The following CLDN10 variants were observed in gnomAD, a reference collection of about 807,000 sequenced individuals.
CLDN10 encodes claudin 10.
CLDN10 carries 15 observed loss-of-function variants against 22.9 expected under a neutral mutation model. The ratio of observed to expected loss-of-function variants is 0.65; its 90% confidence interval spans 0.44 to 1.01. The LOEUF is 1.01. Ranked by LOEUF, CLDN10 falls within the 50% of genes least tolerant of loss-of-function variation. The pLI is 0.00. For synonymous variants in CLDN10, 114 were observed against 111.4 expected (o/e 1.02, Z -0.15); for missense variants, 247 against 287.8 (o/e 0.86, Z 1.03).
chr13:95,513,258 T>A (rs1232422644), intron 1 of CLDN10, among the ~76,000 whole-genome samples: 1 of 152,188 alleles, frequency 6.6e-6, no homozygotes, highest in Non-Finnish European at 1.5e-5. Context: ...GTCAAGAGCA[T>A]TATTTATTAT....
chr13:95,492,644 G>A (rs1324196063), intron 1 of CLDN10, among the ~76,000 whole-genome samples: 1 of 152,136 alleles, frequency 6.6e-6, no homozygotes, highest in Non-Finnish European at 1.5e-5. Context: ...TGTGAAGTCT[G>A]CACACCAGAT....
chr13:95,485,079 C>T (rs1024988043), intron 1 of CLDN10, among the ~76,000 whole-genome samples: 1 of 151,982 alleles, frequency 6.6e-6, no homozygotes, highest in Non-Finnish European at 1.5e-5. Flanking sequence ...ATGCTCATGG[C>T]CCAGGGAAGG....
intron 1 of CLDN10, among the ~76,000 whole-genome samples, chr13:95,447,046 A>G (rs2042387782): frequency 6.6e-6 from 1 of 151,956 alleles, no homozygotes; most frequent in Non-Finnish European, 1.5e-5. Flanking sequence ...CCTTTAACTA[A>G]ATTTCCTTGG....
chr13:95,506,212 C>T (rs188756284), intron 1 of CLDN10, among the ~76,000 whole-genome samples: 1 of 152,174 alleles, frequency 6.6e-6, no homozygotes, highest in Admixed American at 6.5e-5. Context: ...ATGTTCTCAT[C>T]AGCCCTGTCT....
upstream of CLDN10, among the ~76,000 whole-genome samples, chr13:95,551,951 C>T (rs900523055): frequency 6.6e-6 from 1 of 152,174 alleles, no homozygotes; most frequent in Non-Finnish European, 1.5e-5. Context: ...ATAGAATAGC[C>T]TCTAGACCTG....
intron 1 of CLDN10, among the ~76,000 whole-genome samples, chr13:95,458,805 C>T (rs2042507526): frequency 6.6e-6 from 1 of 152,140 alleles, no homozygotes; most frequent in African/African-American, 2.4e-5. Flanking sequence ...TTCCAATTGT[C>T]CCCCAAATTC....
At chr13:95,473,827 C>G (rs1015133620) in intron 1 of CLDN10, among the ~76,000 whole-genome samples, 1 of 152,258 alleles carries the variant, frequency 6.6e-6, no homozygotes, top group Non-Finnish European at 1.5e-5. Context: ...AAGGCCAGCT[C>G]TGCCGCCAGG....
chr13:95,495,117 C>A (rs1054725488), intron 1 of CLDN10, among the ~76,000 whole-genome samples: 1 of 151,530 alleles, frequency 6.6e-6, no homozygotes, highest in Non-Finnish European at 1.5e-5. Context: ...CTCACTGCAA[C>A]CTCCACCTCC....
chr13:95,571,499 A>C (rs1178998031), intron 3 of CLDN10, among the ~76,000 whole-genome samples: 1 of 152,186 alleles, frequency 6.6e-6, no homozygotes, highest in Non-Finnish European at 1.5e-5. Flanking sequence ...GGCATCTGCC[A>C]GGCAGTGGGA....
intron 1 of CLDN10, among the ~76,000 whole-genome samples, chr13:95,477,875 G>T (rs2139110800): frequency 6.6e-6 from 1 of 152,326 alleles, no homozygotes; most frequent in South Asian, 2.1e-4. Flanking sequence ...AGGAAAACGT[G>T]TGGTTCGTTA....
chr13:95,541,115 T>A (rs2043455691), intron 1 of CLDN10, among the ~76,000 whole-genome samples: 1 of 152,252 alleles, frequency 6.6e-6, no homozygotes, highest in African/African-American at 2.4e-5. Flanking sequence ...TACAAATGCT[T>A]AATTCCAACC....
At chr13:95,524,861 T>TTATTTA (rs370827702) in intron 1 of CLDN10, among the ~76,000 whole-genome samples, 1 of 98,430 alleles carries the variant, frequency 1.0e-5, no homozygotes, top group African/African-American at 4.6e-5. Flanking sequence ...ATTTATTTAT[T>TTATTTA]TTTATTTTTT....
intron 3 of CLDN10, among the ~76,000 whole-genome samples, chr13:95,570,858 G>GTGTATGTATATATATATATA (rs60359070): frequency 1.7e-5 from 2 of 119,706 alleles, no homozygotes; most frequent in Non-Finnish European, 3.4e-5. Context: ...ATATACGTGT[G>GTGTATGTATATATATATATA]TATATATATA....
intron 1 of CLDN10, among the ~76,000 whole-genome samples, chr13:95,531,080 G>A (rs534157280): frequency 1.3e-5 from 2 of 151,916 alleles, no homozygotes; most frequent in South Asian, 2.1e-4. Context: ...CACCACACCC[G>A]GCTTATTTTT....
At chr13:95,575,903 T>G (rs1234943841) in intron 3 of CLDN10, among the ~76,000 whole-genome samples, 1 of 152,182 alleles carries the variant, frequency 6.6e-6, no homozygotes, top group Non-Finnish European at 1.5e-5. Context: ...GTGATATGTG[T>G]CTTAAAATAC....
At chr13:95,531,834 T>C (rs944905094) in intron 1 of CLDN10, among the ~76,000 whole-genome samples, 1 of 151,932 alleles carries the variant, frequency 6.6e-6, no homozygotes, top group African/African-American at 2.4e-5. Flanking sequence ...CGCTCCCGGC[T>C]AGTATTTACA....
chr13:95,509,429 T>C (rs1274292899), intron 1 of CLDN10, among the ~76,000 whole-genome samples: 1 of 151,948 alleles, frequency 6.6e-6, no homozygotes, highest in Non-Finnish European at 1.5e-5. Flanking sequence ...TCGAGGAAAA[T>C]TGAGCATAAT....
intron 1 of CLDN10, among the ~76,000 whole-genome samples, chr13:95,447,741 G>C (rs2042394049): frequency 8.6e-6 from 1 of 116,872 alleles, no homozygotes; most frequent in Non-Finnish European, 1.7e-5. Flanking sequence ...GAGTGCACAT[G>C]CGTGTGTGTG....
At chr13:95,527,581 C>T (rs1394163043) in intron 1 of CLDN10, among the ~76,000 whole-genome samples, 1 of 150,128 alleles carries the variant, frequency 6.7e-6, no homozygotes, top group East Asian at 1.9e-4. Flanking sequence ...AAAAAAAATA[C>T]AAAAATTAGC....
Sources: gnomAD v4.1 joint callset for allele counts (sites outside exome capture counted in the v4.1 genomes callset) on GRCh38, gnomAD v4.1.1 for gene constraint, MANE v1.5 for transcripts, NCBI Gene and HGNC (gene_info 2026-07-23, HGNC 2026-07-21) for gene names.